Variants in ZC3H8 observed in about 807,000 individuals in gnomAD.
ZC3H8 encodes zinc finger CCCH domain-containing protein 8.
A neutral mutation model predicts 42.5 loss-of-function variants in ZC3H8; 27 were observed. That is an observed-to-expected ratio of 0.64 (90% confidence interval 0.47 to 0.88). The LOEUF (loss-of-function observed/expected upper bound fraction) is 0.88, where lower values mean the gene tolerates loss of function less well. Ranked by LOEUF, ZC3H8 falls within the 40% of genes least tolerant of loss-of-function variation. The pLI, the probability that ZC3H8 is intolerant of heterozygous loss-of-function variation, is 0.00. For missense variants in ZC3H8, 277 were observed against 336.1 expected (o/e 0.82, Z 1.37); for synonymous variants, 101 against 110.1 (o/e 0.92, Z 0.52).
At chr2:112,232,314 C>CAAAAAAAAAAAAAAAAAAAA in intron 6 of ZC3H8, among the ~76,000 whole-genome samples, 1 of 71,624 alleles carries the variant, frequency 1.4e-5, no homozygotes, top group Non-Finnish European at 2.5e-5. Context: ...GATAATGTCT[C>CAAAAAAAAAAAAAAAAAAAA]AAAAAAAAAA....
chr2:112,232,139 G>C (rs980920875), intron 6 of ZC3H8, among the ~76,000 whole-genome samples, 192 bp from the exon 7 acceptor site: 1 of 151,896 alleles, frequency 6.6e-6, no homozygotes, highest in South Asian at 2.1e-4. Flanking sequence ...GCGAAACCTC[G>C]CCTTTACTAA....
intron 6 of ZC3H8, 126 bp from the exon 7 acceptor site, chr2:112,232,073 G>A (rs1685117157): frequency 2.2e-6 from 1 of 456,514 alleles, no homozygotes; most frequent in East Asian, 3.5e-5. Context: ...CCTGTAGGAG[G>A]CGGAGGTGGG....
intron 2 of ZC3H8, among the ~76,000 whole-genome samples, chr2:112,241,250 A>C (rs898610928): frequency 1.3e-5 from 2 of 152,254 alleles, no homozygotes; most frequent in South Asian, 4.1e-4. Context: ...TTTCCCTAGG[A>C]AAAAAAGAGA....
At chr2:112,248,375 GAAAGAA>G (rs1685829842) in intron 2 of ZC3H8, among the ~76,000 whole-genome samples, 1 of 151,868 alleles carries the variant, frequency 6.6e-6, no homozygotes, top group Non-Finnish European at 1.5e-5. Context: ...AAAAAAGAAA[GAAAGAA>G]AAAGAAAAAG....
intron 2 of ZC3H8, chr2:112,240,499 C>T (rs1685532471): frequency 6.6e-6 from 1 of 152,108 alleles, no homozygotes. Flanking sequence ...GCATCTGAAT[C>T]AAAATATTAA....
intron 1 of ZC3H8, among the ~76,000 whole-genome samples, chr2:112,253,791 G>T (rs1165671155): frequency 6.6e-6 from 1 of 152,126 alleles, no homozygotes; most frequent in East Asian, 1.9e-4. Flanking sequence ...GAATTCTTAT[G>T]TATTTTATAA....
At chr2:112,244,960 T>A (rs1449829233) in intron 2 of ZC3H8, among the ~76,000 whole-genome samples, 2 of 152,164 alleles carry the variant, frequency 1.3e-5, no homozygotes, top group East Asian at 3.8e-4. Flanking sequence ...GAATCATATG[T>A]CTCTACTGAA....
At chr2:112,233,524 C>T (rs954630551) in intron 5 of ZC3H8, among the ~76,000 whole-genome samples, 153 bp from the exon 6 acceptor site, 2 of 151,374 alleles carry the variant, frequency 1.3e-5, no homozygotes, top group Non-Finnish European at 3.0e-5. Context: ...ATTATAACCA[C>T]ATCACATATA....
rs1039015822 is a variant in ZC3H8 at position 112,214,626 on chromosome 2, CTT to C, written c.*1856_*1857del. 1 of 152,096 alleles carries C rather than the reference CTT, an allele frequency of 6.6e-6. No homozygotes were observed. Among genetic ancestry groups the C allele is most frequent in the Non-Finnish European group, 1.5e-5 (1 of 68,058 alleles). 9.4% of individuals were successfully genotyped at this position (152,096 alleles called of 1,614,324 possible). On this transcript the variant is annotated 3_prime_UTR_variant, in exon 9 of 9. Coordinates refer to ENST00000409573, the MANE Select transcript of ZC3H8 (RefSeq NM_032494.3). ...GATAGAGTACTTTGGACGAATGGCT[CTT>C]GAGACGAATGGCTCTTGGTTCAGGG...
chr2:112,249,962 A>G, intron 2 of ZC3H8: 1 of 320,810 alleles, frequency 3.1e-6, no homozygotes, highest in Non-Finnish European at 5.3e-6. Context: ...AACATATGTC[A>G]TGTTAAATGA....
intron 1 of ZC3H8, among the ~76,000 whole-genome samples, chr2:112,250,685 T>C (rs1252172123): frequency 6.6e-6 from 1 of 152,172 alleles, no homozygotes; most frequent in Admixed American, 6.5e-5. Context: ...AATAAAGCTA[T>C]TTCAATATGG....
In ZC3H8 at chr2:112,215,265, A is replaced by C. The variant is rs1474470591; in HGVS notation, c.*1219T>G. On this transcript the variant is annotated 3_prime_UTR_variant, in exon 9 of 9. Coordinates refer to ENST00000409573, the MANE Select transcript of ZC3H8 (RefSeq NM_032494.3). ...AGGTTGTTATGAGACTTAAATAAGA[A>C]GTGCCTTGCCCACCTCCCGAGCCAC... 1 of 152,188 alleles carries C rather than the reference A, an allele frequency of 6.6e-6. No homozygotes were observed. The highest frequency in any genetic ancestry group is 1.5e-5 in the Non-Finnish European group (1 of 68,040). The allele number at this position is 152,188 out of a possible 1,614,324, so 9.4% of individuals were successfully genotyped here.
chr2:112,231,350 C>A (rs1445505588), intron 7 of ZC3H8, among the ~76,000 whole-genome samples: 1 of 152,096 alleles, frequency 6.6e-6, no homozygotes, highest in Non-Finnish European at 1.5e-5. Flanking sequence ...GAGACTAGCT[C>A]CAACTAACAT....
intron 2 of ZC3H8, among the ~76,000 whole-genome samples, chr2:112,245,379 C>T (rs944699026): frequency 6.6e-6 from 1 of 152,204 alleles, no homozygotes; most frequent in Non-Finnish European, 1.5e-5. Flanking sequence ...ACAGGCCAGG[C>T]GCGGTGGCTC....
intron 8 of ZC3H8, among the ~76,000 whole-genome samples, chr2:112,229,741 C>A (rs181622591): frequency 1.4e-3 from 211 of 152,180 alleles, no homozygotes; most frequent in African/African-American, 4.8e-3. Flanking sequence ...TGCTAAGCAC[C>A]ATTACTGTAC....
In ZC3H8 at chr2:112,231,933, T is replaced by C; in HGVS notation, c.748A>G (p.Lys250Glu). 6.4e-7 allele frequency: 1 copy of C among 1,564,332 alleles called. No individual in the cohort carries two copies. Among genetic ancestry groups the C allele is most frequent in the Middle Eastern group, 1.7e-4 (1 of 5,860 alleles). Reference sequence around the variant, plus strand: ...CATTTTGTTCCTGTATGGTAAAACTTACAAGGATATTCATGTAACCCAAGT... The same window carrying C: ...CATTTTGTTCCTGTATGGTAAAACTCACAAGGATATTCATGTAACCCAAGT... ...CLYLHNEYPC[K>E]FYHTGTKCYQ... is the part of the protein sequence containing the mutation. The change falls in exon 7 of 9, where the codon AAG becomes GAG. Residue 250 changes from lysine to glutamate, a missense_variant. By Grantham distance (56) the Lys-to-Glu change is moderately conservative (BLOSUM62 1). Transcript: ENST00000409573.
At chr2:112,248,656 A>G (rs915448973) in intron 2 of ZC3H8, among the ~76,000 whole-genome samples, 21 of 152,124 alleles carry the variant, frequency 1.4e-4, no homozygotes, top group African/African-American at 5.1e-4. Flanking sequence ...ATGCTTGGCT[A>G]ATTTTGTATT....
At chr2:112,220,039 C>T (rs545331120) in intron 8 of ZC3H8, among the ~76,000 whole-genome samples, 2 of 152,176 alleles carry the variant, frequency 1.3e-5, no homozygotes, top group Non-Finnish European at 2.9e-5. Flanking sequence ...AGCCTAAGGG[C>T]GTCATTGCAT....
intron 2 of ZC3H8, among the ~76,000 whole-genome samples, chr2:112,238,902 G>C (rs1237149774): frequency 3.3e-5 from 5 of 152,166 alleles, no homozygotes; most frequent in African/African-American, 1.2e-4. Flanking sequence ...TTCTGCCTTT[G>C]CATTGACAGT....
Sources: gnomAD v4.1 joint callset for allele counts (sites outside exome capture counted in the v4.1 genomes callset) on GRCh38, gnomAD v4.1.1 for gene constraint, MANE v1.5 for transcripts, NCBI Gene and HGNC (gene_info 2026-07-23, HGNC 2026-07-21) for gene names.